KCTD1: variants seen among roughly 807,000 people sequenced by gnomAD.
KCTD1 encodes the protein BTB/POZ domain-containing protein KCTD1.
Under a neutral mutation model 66.0 loss-of-function variants are expected in KCTD1, and 24 were observed. The ratio of observed to expected loss-of-function variants is 0.36; its 90% confidence interval spans 0.26 to 0.51. The LOEUF is 0.51. Among genes scored for constraint, KCTD1 ranks in the 20% least tolerant of loss-of-function variants. The probability of loss-of-function intolerance (pLI) is 0.95; values close to 1 mark genes in which losing one functional copy is unlikely to be tolerated. For missense variants in KCTD1, 943 were observed against 1,205.2 expected (o/e 0.78, Z 3.22); for synonymous variants, 511 against 517.2 (o/e 0.99, Z 0.16).
At chr18:26,637,561 A>T (rs1361085955) in intron 1 of KCTD1, among the ~76,000 whole-genome samples, 5 of 152,192 alleles carry the variant, frequency 3.3e-5, no homozygotes, top group African/African-American at 1.2e-4. Flanking sequence ...GAGGGAAGTT[A>T]AGCCATGACT....
intron 2 of KCTD1, among the ~76,000 whole-genome samples, chr18:26,486,571 C>A (rs909821310): frequency 2.0e-5 from 3 of 152,192 alleles, no homozygotes; most frequent in African/African-American, 7.2e-5. Flanking sequence ...TGGACTGGGG[C>A]CTTCCTGTGT....
upstream of KCTD1, chr18:26,629,386 G>A: frequency 5.9e-6 from 1 of 169,348 alleles, no homozygotes; most frequent in Non-Finnish European, 1.2e-5. Context: ...CAATAAGTAA[G>A]TAAGGTGCAA....
chr18:26,617,399 T>G (rs1027117511), intron 1 of KCTD1, among the ~76,000 whole-genome samples: 2 of 152,176 alleles, frequency 1.3e-5, no homozygotes, highest in Non-Finnish European at 2.9e-5. Context: ...TCAACATATC[T>G]CTCTCCCATG....
intron 1 of KCTD1, among the ~76,000 whole-genome samples, chr18:26,582,240 T>A (rs1336212410): frequency 4.7e-5 from 7 of 149,482 alleles, no homozygotes; most frequent in Non-Finnish European, 1.0e-4. Flanking sequence ...GCCACTGCAC[T>A]CCAACCTAGG....
Position 26,547,482 on chromosome 18 carries a change from C to A in KCTD1, c.1055G>T (p.Gly352Val). 1.9e-6 allele frequency: 3 copies of A among 1,551,518 alleles called. No homozygotes were observed. Among genetic ancestry groups the A allele is most frequent in the Middle Eastern group, 1.7e-4 (1 of 5,990 alleles). Reference sequence around the variant, plus strand: ...CGACGAGCGCGACTTGTGGTAGGGCCCGAGGGACTTGAAGTAGACGAACTT... The same window carrying A: ...CGACGAGCGCGACTTGTGGTAGGGCACGAGGGACTTGAAGTAGACGAACTT... ...GRKFVYFKSL[G>V]PYHKSRSSSW... The change falls in exon 1 of 5, where the codon GGG becomes GTG. Residue 352 changes from glycine to valine, a missense_variant. Gly to Val is a moderately radical substitution (Grantham distance 109, BLOSUM62 -3). This residue lies in a region of KCTD1 where 66 missense variants were observed against 61.6 expected (regional missense o/e 1.07). Coordinates refer to ENST00000580059, the MANE Select transcript of KCTD1 (RefSeq NM_001142730.3).
chr18:26,597,528 T>C (rs982570398), intron 1 of KCTD1, among the ~76,000 whole-genome samples: 1 of 152,066 alleles, frequency 6.6e-6, no homozygotes, highest in African/African-American at 2.4e-5. Flanking sequence ...AACAAATGGG[T>C]ATTTTTTGTA....
At chr18:26,514,338 C>A (rs116251067) in intron 1 of KCTD1, among the ~76,000 whole-genome samples, 5 of 151,870 alleles carry the variant, frequency 3.3e-5, no homozygotes, top group South Asian at 2.1e-4. Context: ...GGGCTGCTTG[C>A]GGCCAGGAGT....
intron 2 of KCTD1, among the ~76,000 whole-genome samples, chr18:26,480,930 T>A (rs1981615090): frequency 1.3e-5 from 2 of 152,234 alleles, no homozygotes; most frequent in Admixed American, 1.3e-4. Flanking sequence ...AAGAATGGTC[T>A]TAAGTCAAAG....
Position 26,456,058 on chromosome 18 carries a change from G to A in KCTD1, c.2440-157C>T, listed in dbSNP as rs919745527. On this transcript the variant is annotated intron_variant, in intron 4 of 4. Transcript: ENST00000580059. ...TCTCAAAGGAAGACCCTGGATTAAT[G>A]GGCAGGAGAGAGGAAGCAAGCATTT... 7 of 647,166 alleles carry A rather than the reference G, an allele frequency of 1.1e-5. No individual in the cohort carries two copies. In the African/African-American group the frequency reaches 1.3e-4, roughly 12 times the overall value. 40.1% of individuals were successfully genotyped at this position (647,166 alleles called of 1,614,324 possible). A position where few individuals can be genotyped will look rare whatever the true frequency, so the allele number is the denominator to read the frequency against.
chr18:26,466,119 C>T (rs1336483269), intron 3 of KCTD1, among the ~76,000 whole-genome samples: 2 of 149,708 alleles, frequency 1.3e-5, no homozygotes, highest in Non-Finnish European at 3.0e-5. Context: ...ATCCAGGTCG[C>T]CACTCTGCTT....
chr18:26,583,412 A>G (rs932548161), intron 1 of KCTD1, among the ~76,000 whole-genome samples: 76 of 150,724 alleles, frequency 5.0e-4, no homozygotes, highest in African/African-American at 1.6e-3. Context: ...AAAAAAAAAA[A>G]AAAAAGAAAA....
intron 1 of KCTD1, among the ~76,000 whole-genome samples, chr18:26,508,518 T>C (rs1468243603): frequency 6.6e-6 from 1 of 152,220 alleles, no homozygotes; most frequent in Admixed American, 6.5e-5. Flanking sequence ...CGTTTCACTA[T>C]TGAGTTTGAC....
intron 1 of KCTD1, among the ~76,000 whole-genome samples, chr18:26,559,544 G>A (rs79051663): frequency 3.9e-4 from 60 of 152,276 alleles, no homozygotes; most frequent in African/African-American, 1.4e-3. Context: ...AGAACCACGG[G>A]CCTAGAAGAG....
intron 1 of KCTD1, among the ~76,000 whole-genome samples, chr18:26,583,870 C>T (rs1179243001): frequency 1.3e-5 from 2 of 152,226 alleles, no homozygotes; most frequent in Admixed American, 6.5e-5. Context: ...TTATGACACT[C>T]TCAGTAATGG....
At chr18:26,603,930 T>G (rs182294930) in intron 1 of KCTD1, among the ~76,000 whole-genome samples, 177 of 152,142 alleles carry the variant, frequency 1.2e-3, no homozygotes, top group Non-Finnish European at 1.6e-3. Context: ...CTTAAGAGCT[T>G]CTGCACACAG....
chr18:26,505,137 AC>A (rs1982965982), intron 1 of KCTD1, among the ~76,000 whole-genome samples: 1 of 152,238 alleles, frequency 6.6e-6, no homozygotes, highest in Non-Finnish European at 1.5e-5. Context: ...TTCCTGTTAC[AC>A]AGCTGCTTCC....
intron 1 of KCTD1, among the ~76,000 whole-genome samples, chr18:26,526,371 C>T (rs1984160442): frequency 6.6e-6 from 1 of 152,198 alleles, no homozygotes; most frequent in Admixed American, 6.5e-5. Context: ...AGGCTGTGAT[C>T]TAGACCCGGA....
intron 1 of KCTD1, among the ~76,000 whole-genome samples, chr18:26,519,671 G>A (rs193087253): frequency 3.3e-5 from 5 of 152,160 alleles, no homozygotes; most frequent in East Asian, 1.9e-4. Context: ...TCATGTACTC[G>A]GACTGTGGGT....
chr18:26,512,971 A>G (rs776529223), intron 1 of KCTD1, among the ~76,000 whole-genome samples: 3 of 151,992 alleles, frequency 2.0e-5, no homozygotes, highest in African/African-American at 4.8e-5. Context: ...ACGCAGAAAG[A>G]CTGTCTCAAA....
Sources: allele counts gnomAD v4.1 joint callset (sites outside exome capture counted in the v4.1 genomes callset), GRCh38; gene constraint gnomAD v4.1.1; regional missense constraint gnomAD v4.1.1; transcripts MANE v1.5; gene names NCBI Gene and HGNC (gene_info 2026-07-23, HGNC 2026-07-21).